Variants in SCAMP2 observed in about 807,000 individuals in gnomAD.
The protein encoded by SCAMP2 is secretory carrier-associated membrane protein 2.
Under a neutral mutation model 44.1 loss-of-function variants are expected in SCAMP2, and 25 were observed. That is an observed-to-expected ratio of 0.57 (90% CI 0.41 to 0.79). The LOEUF (loss-of-function observed/expected upper bound fraction) is 0.79, where lower values mean the gene tolerates loss of function less well. Ranked by LOEUF, SCAMP2 falls within the 30% of genes least tolerant of loss-of-function variation. SCAMP2 has a pLI of 0.00. For missense variants in SCAMP2, 355 were observed against 411.0 expected, an observed-to-expected ratio of 0.86 and a Z score of 1.18; for synonymous variants, 156 against 166.0, an observed-to-expected ratio of 0.94 and a Z score of 0.46.
intron 7 of SCAMP2, among the ~76,000 whole-genome samples, chr15:74,846,062 C>T (rs1474826748): frequency 2.6e-5 from 4 of 152,130 alleles, no homozygotes; most frequent in Non-Finnish European, 5.9e-5. Context: ...GAAGGCAGAT[C>T]ACTTGAGGTC....
rs767371103 is a variant in SCAMP2 at position 74,845,104 on chromosome 15, T to C, written c.969A>G (p.Gln323=). ...TFHRAASSAA[Q]GAFQGN ...AGGACTAATTCCCCTGGAAGGCTCCTTGGGCAGCAGATGAAGCAGCTCTGT... is the reference window on the plus strand; with the variant it reads ...AGGACTAATTCCCCTGGAAGGCTCCCTGGGCAGCAGATGAAGCAGCTCTGT... Residue 323 remains glutamine (Q), a synonymous_variant, in exon 9 of 9, where the codon CAA becomes CAG. Transcript: ENST00000268099. The C allele has an allele frequency of 7.4e-6, 12 of 1,613,834 alleles. No homozygotes were observed.
At position 74,873,133 on chromosome 15, in the gene SCAMP2, A is replaced by G. The variant is rs558162470; in HGVS notation, c.57+66T>C. On this transcript the variant is annotated intron_variant, in intron 1 of 8. Transcript: ENST00000268099. ...CGCCACGTCTCCCGGCTCTAGCGAG[A>G]GGCCCGGGCGGCGGCCGTGGGCCCT... 4.1e-5 allele frequency: 54 copies of G among 1,311,450 alleles called. No individual in the cohort carries two copies. In the Middle Eastern group the frequency reaches 7.5e-4, roughly 18 times the overall value. The allele number at this position is 1,311,450 out of a possible 1,614,324, so 81.2% of individuals were successfully genotyped here.
rs560956009 is a variant in SCAMP2 at position 74,853,790 on chromosome 15, G to T, written c.225+231C>A. 1.7e-5 allele frequency: 10 copies of T among 578,900 alleles called. No individual in the cohort carries two copies. The South Asian group carries it at 2.0e-4, about 12-fold the overall frequency. 35.9% of individuals were successfully genotyped at this position (578,900 alleles called of 1,614,324 possible). A position where few individuals can be genotyped will look rare whatever the true frequency, so the allele number is the denominator to read the frequency against. The stretch of plus-strand genomic sequence containing the variant: ...GGCACCGAGGAGCCCGGCCTGGTGA[G>T]TAGAGCTTATTTCTCAGTGGTGGTG... On this transcript the variant is annotated intron_variant, in intron 3 of 8. Coordinates refer to ENST00000268099, the MANE Select transcript of SCAMP2 (RefSeq NM_005697.5).
intron 3 of SCAMP2, chr15:74,853,326 G>A (rs1451604630): frequency 1.1e-5 from 5 of 442,122 alleles, no homozygotes; most frequent in Middle Eastern, 3.3e-4. Flanking sequence ...GGCAGGCTCC[G>A]GGTGCCCTGC....
Position 74,854,009 on chromosome 15 carries a change from T to C in SCAMP2, c.225+12A>G, listed in dbSNP as rs746770473. ...CTGGAGAGAAAAGGCCAGAGTTCTTTGTCAGCACTACCTGGGGGGTCGGCT... is the reference window on the plus strand; with the variant it reads ...CTGGAGAGAAAAGGCCAGAGTTCTTCGTCAGCACTACCTGGGGGGTCGGCT... On this transcript the variant is annotated intron_variant, in intron 3 of 8. Transcript: ENST00000268099. 1 of 1,608,992 alleles carries C rather than the reference T, an allele frequency of 6.2e-7. No individual in the cohort carries two copies. The highest frequency in any genetic ancestry group is 2.2e-5 in the East Asian group (1 of 44,852).
At position 74,852,132 on chromosome 15, in the gene SCAMP2, T is replaced by G; in HGVS notation, c.280A>C (p.Arg94=). ...TTGCGTTCCAGCTCGGCAGCTTTCC[T>G]GTCCAGTTCTTCCTGCTGCCGGAGC... ...GLLRQQEELD[R]KAAELERKER... is the part of the protein sequence containing the mutation. Residue 94 remains arginine (R), a synonymous_variant, in exon 4 of 9, where the codon AGG becomes CGG. Transcript: ENST00000268099. 1 of 1,589,768 alleles carries G rather than the reference T, an allele frequency of 6.3e-7. No homozygotes were observed. Among genetic ancestry groups the G allele is most frequent in the Non-Finnish European group, 8.6e-7 (1 of 1,168,194 alleles).
At chr15:74,853,834 G>C in intron 3 of SCAMP2, 187 bp downstream of exon 3, 1 of 603,056 alleles carries the variant, frequency 1.7e-6, no homozygotes. Flanking sequence ...GATGGAGGGA[G>C]TAAGGATATT....
intron 1 of SCAMP2, among the ~76,000 whole-genome samples, chr15:74,864,416 G>A (rs2064528892): frequency 6.6e-6 from 1 of 152,334 alleles, no homozygotes; most frequent in Non-Finnish European, 1.5e-5. Flanking sequence ...TATGGAGGCT[G>A]TGGAGGGGTG....
rs1491042794 is a variant in SCAMP2 at position 74,862,288 on chromosome 15, AAT to A, written c.58-7641_58-7640del. ...CAAAAAAAAAAAAAAAAAAAAAAAA[AAT>A]TCCTGGCCAGGTGCAATGGCTCACA... On this transcript the variant is annotated intron_variant, in intron 1 of 8. Transcript: ENST00000268099. 6.1e-4 allele frequency among the ~76,000 whole-genome samples: 74 copies of A among 121,500 alleles called. 25 individuals carry two copies. Among genetic ancestry groups the A allele is most frequent in the African/African-American group, 3.5e-3 (65 of 18,822 alleles). 79.7% of individuals were successfully genotyped at this position (121,500 alleles called of 152,430 possible).
intron 1 of SCAMP2, among the ~76,000 whole-genome samples, chr15:74,855,076 CTTA>C (rs1318648148): frequency 6.7e-6 from 1 of 150,132 alleles, no homozygotes. Context: ...TACTGTTTTA[CTTA>C]TTATTCATTT....
At chr15:74,848,575 TC>T in intron 7 of SCAMP2, 24 bp downstream of exon 7, 1 of 1,452,506 alleles carries the variant, frequency 6.9e-7, no homozygotes, top group Non-Finnish European at 9.7e-7. Context: ...AAAGCCTAAT[TC>T]CCTCTGTGAT....
intron 3 of SCAMP2, chr15:74,853,454 G>T (rs1438330618): frequency 2.2e-6 from 1 of 456,356 alleles, no homozygotes; most frequent in Non-Finnish European, 4.4e-6. Flanking sequence ...CTCACTGCCA[G>T]GAATTGGGCA....
At chr15:74,871,453 T>C (rs1404569679) in intron 1 of SCAMP2, among the ~76,000 whole-genome samples, 1 of 150,774 alleles carries the variant, frequency 6.6e-6, no homozygotes, top group Admixed American at 6.6e-5. Context: ...GACCCTGCCT[T>C]AAAAAAGGAA....
intron 1 of SCAMP2, among the ~76,000 whole-genome samples, chr15:74,871,684 T>A (rs979993582): frequency 2.0e-5 from 3 of 151,662 alleles, no homozygotes; most frequent in Non-Finnish European, 4.4e-5. Context: ...CCCAGGAGGC[T>A]GAGGTTGCAG....
chr15:74,862,157 G>A (rs2064509513), intron 1 of SCAMP2, among the ~76,000 whole-genome samples: 2 of 149,914 alleles, frequency 1.3e-5, no homozygotes, highest in South Asian at 4.2e-4. Flanking sequence ...CAGCTACTTT[G>A]GAGGCTGAGG....
intron 1 of SCAMP2, among the ~76,000 whole-genome samples, chr15:74,870,305 C>A (rs777922138): frequency 1.2e-4 from 19 of 152,324 alleles, no homozygotes; most frequent in Non-Finnish European, 2.5e-4. Context: ...GCTATTAATA[C>A]AGGGTAGAAC....
intron 8 of SCAMP2, 109 bp from the exon 9 acceptor site, chr15:74,845,326 C>T (rs781737537): frequency 3.1e-5 from 49 of 1,575,416 alleles, no homozygotes; most frequent in Non-Finnish European, 4.1e-5. Flanking sequence ...CACTGCCTGA[C>T]CCCCCACCCA....
chr15:74,846,816 G>C (rs1338222073), intron 7 of SCAMP2, among the ~76,000 whole-genome samples: 1 of 152,094 alleles, frequency 6.6e-6, no homozygotes, highest in Non-Finnish European at 1.5e-5. Context: ...TGCTGCTTTG[G>C]GGGTGGGGAG....
Position 74,851,467 on chromosome 15 carries a change from AGTT to A in SCAMP2, c.355_357del (p.Asn119del), listed in dbSNP as rs779952652. The A allele has an allele frequency of 8.1e-6, 13 of 1,613,956 alleles. No homozygotes were observed. In the Admixed American group the frequency reaches 1.0e-4, roughly 12 times the overall value. Reference sequence around the variant, plus strand: ...GGGCACCACGAGGGCAGAGGGGGCCAGTTGTTCTGTCTCACTGGGTAGGGCAAA... The same window carrying A: ...GGGCACCACGAGGGCAGAGGGGGCCAGTTCTGTCTCACTGGGTAGGGCAAA... On this transcript the variant is annotated inframe_deletion, in exon 5 of 9. Transcript: ENST00000268099.
Sources: allele counts gnomAD v4.1 joint callset (sites outside exome capture counted in the v4.1 genomes callset), GRCh38; gene constraint gnomAD v4.1.1; transcripts MANE v1.5; gene names NCBI Gene and HGNC (gene_info 2026-07-23, HGNC 2026-07-21).